The following NRXN2 variants were observed in gnomAD, a reference collection of about 807,000 sequenced individuals.
The protein encoded by NRXN2 is neurexin 2.
In NRXN2, 29 loss-of-function variants were observed where a neutral mutation model predicts 128.8. The ratio of observed to expected loss-of-function variants is 0.23; its 90% CI spans 0.17 to 0.31. NRXN2 has a LOEUF of 0.31. NRXN2 is among the 10% of genes least tolerant of loss of function. The pLI, the probability that NRXN2 is intolerant of heterozygous loss-of-function variation, is 1.00. For missense variants in NRXN2, 1,881 were observed against 2,452.6 expected, an observed-to-expected ratio of 0.77 and a Z score of 4.92; for synonymous variants, 1,098 against 1,075.2, an observed-to-expected ratio of 1.02 and a Z score of -0.41.
At chr11:64,665,468 G>A (rs531673909) in intron 9 of NRXN2, among the ~76,000 whole-genome samples, 3 of 152,204 alleles carry the variant, frequency 2.0e-5, no homozygotes, top group South Asian at 2.1e-4. Flanking sequence ...TTGGGCAGAC[G>A]TCCAACCTAG....
At chr11:64,682,074 A>G (rs1040579064) in intron 6 of NRXN2, among the ~76,000 whole-genome samples, 1 of 151,230 alleles carries the variant, frequency 6.6e-6, no homozygotes, top group Non-Finnish European at 1.5e-5. Flanking sequence ...CTCTTGCTGG[A>G]CTCCATCCTT....
rs1447219608 is a variant in NRXN2, at chr11:64,650,626, G to A, written c.2931C>T (p.Tyr977=). The change falls in exon 15 of 23, where the codon TAC becomes TAT. Residue 977 remains tyrosine (Y), a synonymous_variant. Coordinates refer to ENST00000265459, the MANE Select transcript of NRXN2 (RefSeq NM_015080.4). ...VIELVKGYIH[Y]VFDLGNGPSL... ...ACGGGCCATTCCCCAGGTCAAACAC[G>A]TAGTGGATGTACCTGCCCCACAGTA... 2.4e-5 allele frequency: 38 copies of A among 1,614,016 alleles called. No individual in the cohort carries two copies. The highest frequency in any genetic ancestry group is 3.1e-5 in the Non-Finnish European group (36 of 1,180,020).
intron 22 of NRXN2, among the ~76,000 whole-genome samples, chr11:64,611,186 A>G (rs1195905330): frequency 6.6e-6 from 1 of 152,186 alleles, no homozygotes; most frequent in Admixed American, 6.5e-5. Context: ...ATTTCCTCTG[A>G]GCCAGGCCAG....
At chr11:64,653,009 G>T (rs1266326438) in intron 12 of NRXN2, among the ~76,000 whole-genome samples, 1 of 150,858 alleles carries the variant, frequency 6.6e-6, no homozygotes, top group Non-Finnish European at 1.5e-5. Context: ...CAGTCTCTCT[G>T]CCTGGGCCTA....
intron 6 of NRXN2, among the ~76,000 whole-genome samples, chr11:64,682,011 G>A (rs1216913532): frequency 6.6e-6 from 1 of 152,066 alleles, no homozygotes. Context: ...CATCCTTAAT[G>A]ACTCCATCCT....
At position 64,660,586 on chromosome 11, in the gene NRXN2, G is replaced by A; in HGVS notation, c.2186-51C>T. 2 of 1,602,758 alleles carry A rather than the reference G, an allele frequency of 1.2e-6. No individual in the cohort carries two copies. The highest frequency in any genetic ancestry group is 2.2e-5 in the East Asian group (1 of 44,812). On this transcript the variant is annotated intron_variant, in intron 10 of 22. Transcript: ENST00000265459. This position sits in a 1 kb window ranked among gnomAD's most constrained non-coding sequence, Gnocchi z 5.2. ...GAAGGAGAAGACAGGCAGAGGCCAG[G>A]GGAGGGAGAAGACCAGAGAATCATT...
At chr11:64,716,620 G>C (rs1046836150) in intron 1 of NRXN2, among the ~76,000 whole-genome samples, 1 of 152,128 alleles carries the variant, frequency 6.6e-6, no homozygotes, top group Non-Finnish European at 1.5e-5. Context: ...GGCTTATGTG[G>C]TGCCTCCAGG....
intron 18 of NRXN2, among the ~76,000 whole-genome samples, chr11:64,634,366 A>G (rs2044366957): frequency 6.6e-6 from 1 of 152,100 alleles, no homozygotes; most frequent in African/African-American, 2.4e-5. Context: ...GAGACCAGAA[A>G]TGAAATGGAG....
intron 7 of NRXN2, among the ~76,000 whole-genome samples, chr11:64,672,344 T>C (rs1152627): frequency 0.33 from 49,476 of 152,124 alleles, 10,307 homozygotes; most frequent in African/African-American, 0.59. Context: ...GCACTCCATG[T>C]CCACATGCCT....
chr11:64,686,995 G>C (rs1197635325), intron 5 of NRXN2, among the ~76,000 whole-genome samples: 2 of 152,190 alleles, frequency 1.3e-5, no homozygotes, highest in Non-Finnish European at 2.9e-5. Flanking sequence ...GCAGAGAGAA[G>C]AGAACCGGAT....
In NRXN2 at chr11:64,653,806, G is replaced by A. The variant is rs777079713; in HGVS notation, c.2390-84C>T. The A allele has an allele frequency of 3.6e-3, 3,754 of 1,053,750 alleles. 49 individuals carry two copies. Among genetic ancestry groups the A allele is most frequent in the Non-Finnish European group, 2.6e-3 (1,845 of 706,080 alleles). 65.3% of individuals were successfully genotyped at this position (1,053,750 alleles called of 1,614,324 possible). On this transcript the variant is annotated intron_variant, in intron 11 of 22. Transcript: ENST00000265459. ...TTTTTTTTTTTACATCCTTCACAGG[G>A]AGGGGTGTCTGCGGGCGGGGTTCCC...
chr11:64,648,489 G>A lies in NRXN2; in HGVS notation c.3284-151C>T, dbSNP rs900983983. On this transcript the variant is annotated intron_variant, in intron 16 of 22. Coordinates refer to ENST00000265459, the MANE Select transcript of NRXN2 (RefSeq NM_015080.4). This position sits in a 1 kb window ranked among gnomAD's most constrained non-coding sequence, Gnocchi z 4.1. ...AGTACTGATGACAGGGATTGGGGCA[G>A]GAGGGTCAGGTCTGCTAGGCTTGGC... 3 of 1,330,954 alleles carry A rather than the reference G, an allele frequency of 2.3e-6. No homozygotes were observed. The highest frequency in any genetic ancestry group is 3.2e-6 in the Non-Finnish European group (3 of 950,974). The allele number at this position is 1,330,954 out of a possible 1,614,324, so 82.4% of individuals were successfully genotyped here. A position where few individuals can be genotyped will look rare whatever the true frequency, so the allele number is the denominator to read the frequency against.
intron 9 of NRXN2, among the ~76,000 whole-genome samples, chr11:64,662,628 A>G (rs2049197019): frequency 6.6e-6 from 1 of 151,984 alleles, no homozygotes; most frequent in East Asian, 1.9e-4. Flanking sequence ...AACAAAGACA[A>G]AAAATTAGCT....
chr11:64,607,832 A>T lies in NRXN2; in HGVS notation c.4503T>A (p.Phe1501Leu), dbSNP rs1433814555. 2 of 1,601,902 alleles carry T rather than the reference A, an allele frequency of 1.2e-6. No individual in the cohort carries two copies. The highest frequency in any genetic ancestry group is 1.7e-6 in the Non-Finnish European group (2 of 1,174,900). The part of the protein sequence containing the change: ...EASGFASGEV[F>L]DSSLPPTDDE... ...CGTCCGTGGGGGGGAGGCTGGAGTC[A>T]AAGACCTCCCCGGAGGCGAAGCCCG... The change falls in exon 23 of 23, where the codon TTT becomes TTA. Residue 1501 changes from phenylalanine to leucine, a missense_variant. Phe to Leu is a conservative substitution (Grantham distance 22, BLOSUM62 0). Transcript: ENST00000265459.
rs1372082065 is a variant in NRXN2 at position 64,651,220 on chromosome 11, C to A, written c.2918+35G>T. 3 of 1,613,088 alleles carry A rather than the reference C, an allele frequency of 1.9e-6. No homozygotes were observed. Among genetic ancestry groups the A allele is most frequent in the Non-Finnish European group, 2.5e-6 (3 of 1,179,956 alleles). On this transcript the variant is annotated intron_variant, in intron 14 of 22. Transcript: ENST00000265459. The surrounding 1 kb of genome is among the most constrained non-coding windows in gnomAD (Gnocchi z 5.9). Reference sequence around the variant, plus strand: ...GTGGTTCAGCAGGGGGAGGGGGCCACCTCCTTGACAGCAGTGCAATCCCCA... The same window carrying A: ...GTGGTTCAGCAGGGGGAGGGGGCCAACTCCTTGACAGCAGTGCAATCCCCA...
At chr11:64,666,380 T>G (rs2049865360) in intron 9 of NRXN2, among the ~76,000 whole-genome samples, 1 of 151,528 alleles carries the variant, frequency 6.6e-6, no homozygotes, top group African/African-American at 2.4e-5. Flanking sequence ...TTTTGTATTT[T>G]TAGTAGAGAC....
rs765834957 is a variant in NRXN2 at position 64,648,450 on chromosome 11, G to A, written c.3284-112C>T. The A allele has an allele frequency of 6.6e-7, 1 of 1,526,658 alleles. No individual in the cohort carries two copies. The highest frequency in any genetic ancestry group is 9.0e-7 in the Non-Finnish European group (1 of 1,109,822). The allele number at this position is 1,526,658 out of a possible 1,614,324, so 94.6% of individuals were successfully genotyped here. ...AGAGGTCCTACTCTGAGCTCTGCCT[G>A]GCTGAAAGGGCCAAGTACTGATGAC... On this transcript the variant is annotated intron_variant, in intron 16 of 22. Coordinates refer to ENST00000265459, the MANE Select transcript of NRXN2 (RefSeq NM_015080.4). This position sits in a 1 kb window ranked among gnomAD's most constrained non-coding sequence, Gnocchi z 4.1.
chr11:64,723,026 C>T lies in NRXN2; in HGVS notation c.-300G>A, dbSNP rs1409756637. 1.3e-5 allele frequency: 2 copies of T among 150,374 alleles called. No individual in the cohort carries two copies. The highest frequency in any genetic ancestry group is 3.0e-5 in the Non-Finnish European group (2 of 67,272). 9.3% of individuals were successfully genotyped at this position (150,374 alleles called of 1,614,324 possible). ...TGGGTAGCAGAGCTACAGGGCCGCC[C>T]CGTCTCCGACGGGTGGCAGAGCCAG... On this transcript the variant is annotated 5_prime_UTR_variant, in exon 1 of 23. Transcript: ENST00000265459.
rs139403968 is a variant in NRXN2, at chr11:64,628,305, G to A, written c.3758-1753C>T. Among the ~76,000 whole-genome samples the A allele has an allele frequency of 2.4e-3, 372 of 152,226 alleles. 5 individuals are homozygous for A. The highest frequency in any genetic ancestry group is 3.4e-3 in the Non-Finnish European group (229 of 67,996). On this transcript the variant is annotated intron_variant, in intron 19 of 22. Coordinates refer to ENST00000265459, the MANE Select transcript of NRXN2 (RefSeq NM_015080.4). Reference sequence around the variant, plus strand: ...ACACGCTTGTCAGTGGGAGATCCAGGATTAAAACCCAGGTTCTTCTGACTC... The same window carrying A: ...ACACGCTTGTCAGTGGGAGATCCAGAATTAAAACCCAGGTTCTTCTGACTC...
Sources: allele counts gnomAD v4.1 joint callset (sites outside exome capture counted in the v4.1 genomes callset), GRCh38; gene constraint gnomAD v4.1.1; non-coding constraint Gnocchi (gnomAD v3.1); transcripts MANE v1.5; gene names NCBI Gene and HGNC (gene_info 2026-07-23, HGNC 2026-07-21).